The following CALD1 variants were observed in gnomAD, a reference collection of about 807,000 sequenced individuals.
CALD1 encodes caldesmon 1.
A neutral mutation model predicts 99.9 loss-of-function variants in CALD1; 33 were observed. The observed-to-expected ratio is 0.33, with a 90% CI of 0.25 to 0.44. The LOEUF (loss-of-function observed/expected upper bound fraction) is 0.44. CALD1 is among the 20% of genes least tolerant of loss of function. CALD1 has a pLI of 1.00. For missense variants in CALD1, 861 were observed against 962.1 expected (o/e 0.89, Z 1.39); for synonymous variants, 310 against 325.0 (o/e 0.95, Z 0.50).
the CALD1 span, among the ~76,000 whole-genome samples, chr7:134,729,326 G>A: frequency 6.6e-6 from 1 of 152,208 alleles, no homozygotes; most frequent in Admixed American, 6.5e-5. Context: ...GGACAGAGAA[G>A]TCAAATGACT....
chr7:134,840,566 C>T (rs13231922), intron 1 of CALD1, among the ~76,000 whole-genome samples: 6,260 of 152,292 alleles, frequency 0.041, 135 homozygotes, highest in Non-Finnish European at 0.051. Flanking sequence ...CAGATACCTA[C>T]GTCAGTCTAG....
intron 1 of CALD1, among the ~76,000 whole-genome samples, chr7:134,824,945 T>C (rs1798930491): frequency 6.6e-6 from 1 of 152,166 alleles, no homozygotes; most frequent in Admixed American, 6.6e-5. Context: ...TTGTTGGAAT[T>C]TGTGTTATTC....
rs188360272 is a variant in CALD1, at chr7:134,957,576, C to T, written c.1936-493C>T. Among the ~76,000 whole-genome samples, 104 of 152,220 alleles carry T rather than the reference C, an allele frequency of 6.8e-4. 1 individual carries two copies. The highest frequency in any genetic ancestry group is 2.4e-3 in the African/African-American group (98 of 41,512). On this transcript the variant is annotated intron_variant, in intron 9 of 14. Coordinates refer to ENST00000361675, the MANE Select transcript of CALD1 (RefSeq NM_033138.4). ...CTGGGGCTACAGGCGCGTGTCACCA[C>T]ACCCAGCTACTTTTTGTATTTTTTA...
intron 11 of CALD1, among the ~76,000 whole-genome samples, chr7:134,958,891 A>ATATATATATTTAAC (rs1563134110): frequency 7.0e-6 from 1 of 142,292 alleles, no homozygotes; most frequent in Non-Finnish European, 1.5e-5. Flanking sequence ...ATATATATAT[A>ATATATATATTTAAC]TATATATATA....
chr7:134,924,598 C>T (rs1012705028), intron 3 of CALD1, among the ~76,000 whole-genome samples: 7 of 152,106 alleles, frequency 4.6e-5, no homozygotes, highest in African/African-American at 1.7e-4. Context: ...AGCAACTGGA[C>T]ATGTTATGAT....
chr7:134,869,577 A>G (rs1800967416), intron 3 of CALD1, among the ~76,000 whole-genome samples: 1 of 152,210 alleles, frequency 6.6e-6, no homozygotes, highest in African/African-American at 2.4e-5. Context: ...GTTCCAAAGA[A>G]TATACATCTG....
chr7:134,744,591 T>C (rs1202530371), intron 1 of CALD1, among the ~76,000 whole-genome samples: 2 of 152,114 alleles, frequency 1.3e-5, no homozygotes, highest in South Asian at 2.1e-4. Context: ...TATGTAGATG[T>C]TACCTGAATT....
intron 1 of CALD1, among the ~76,000 whole-genome samples, chr7:134,789,249 G>C (rs571856105): frequency 2.0e-5 from 3 of 152,258 alleles, no homozygotes; most frequent in Non-Finnish European, 4.4e-5. Context: ...ACTGAGTTAC[G>C]ATTAGATTAA....
chr7:134,723,660 T>C, the CALD1 span, among the ~76,000 whole-genome samples: 9 of 150,078 alleles, frequency 6.0e-5, no homozygotes, highest in Non-Finnish European at 1.2e-4. Flanking sequence ...TTAGAGAACA[T>C]GTGGCATGTC....
chr7:134,728,340 T>G, the CALD1 span, among the ~76,000 whole-genome samples: 3 of 152,116 alleles, frequency 2.0e-5, no homozygotes, highest in African/African-American at 4.8e-5. Flanking sequence ...GTAGAAGATT[T>G]ATGGACAGAA....
chr7:134,882,617 G>A (rs10954474), intron 3 of CALD1, among the ~76,000 whole-genome samples: 108,928 of 152,158 alleles, frequency 0.72, 39,385 homozygotes, highest in East Asian at 0.93. Flanking sequence ...CTCTAATGAA[G>A]GATCAAGCTT....
chr7:134,747,386 G>A (rs1260474316), intron 1 of CALD1, among the ~76,000 whole-genome samples: 1 of 152,206 alleles, frequency 6.6e-6, no homozygotes, highest in African/African-American at 2.4e-5. Flanking sequence ...ATTCTGTTTC[G>A]CCAACCCTAG....
intron 1 of CALD1, among the ~76,000 whole-genome samples, chr7:134,787,143 G>T (rs113985658): frequency 2.6e-5 from 4 of 152,102 alleles, no homozygotes; most frequent in Non-Finnish European, 4.4e-5. Context: ...AATTATAGTT[G>T]CATATGCCAA....
chr7:134,724,356 G>A, the CALD1 span, among the ~76,000 whole-genome samples: 1 of 152,196 alleles, frequency 6.6e-6, no homozygotes, highest in Non-Finnish European at 1.5e-5. Flanking sequence ...GGGAACCTAG[G>A]TTTAATATTC....
At position 134,867,724 on chromosome 7, in the gene CALD1, A is replaced by G. The variant is rs755488105; in HGVS notation, c.-10A>G. The G allele has an allele frequency of 5.0e-6, 8 of 1,597,150 alleles. No homozygotes were observed. Among genetic ancestry groups the G allele is most frequent in the Admixed American group, 1.7e-5 (1 of 58,856 alleles). On this transcript the variant is annotated 5_prime_UTR_variant, in exon 3 of 15. Transcript: ENST00000361675. Reference sequence around the variant, plus strand: ...ACATCATCTGGTCTCCCTGAACCTGAAATCACACCATGGATGATTTTGAGC... The same window carrying G: ...ACATCATCTGGTCTCCCTGAACCTGGAATCACACCATGGATGATTTTGAGC...
Position 134,873,508 on chromosome 7 carries a change from A to G in CALD1, c.71+5704A>G, listed in dbSNP as rs138803614. ...CCAGTTCTCTTCCTGTTCAGCAAGTATAAAAAAGTGCTAGACATTTTATGT... is the reference window on the plus strand; with the variant it reads ...CCAGTTCTCTTCCTGTTCAGCAAGTGTAAAAAAGTGCTAGACATTTTATGT... On this transcript the variant is annotated intron_variant, in intron 3 of 14. Transcript: ENST00000361675. Among the ~76,000 whole-genome samples, 539 of 152,372 alleles carry G rather than the reference A, an allele frequency of 3.5e-3. 3 individuals are homozygous for G. Among genetic ancestry groups the G allele is most frequent in the African/African-American group, 0.012 (509 of 41,590 alleles).
intron 3 of CALD1, chr7:134,891,628 G>A (rs1802183568): frequency 6.2e-7 from 1 of 1,610,014 alleles, no homozygotes; most frequent in African/African-American, 1.3e-5. Flanking sequence ...GACATGCTGG[G>A]TGGATCCGGA....
intron 1 of CALD1, among the ~76,000 whole-genome samples, chr7:134,768,688 A>G (rs758235129): frequency 2.0e-5 from 3 of 152,238 alleles, no homozygotes; most frequent in Non-Finnish European, 4.4e-5. Context: ...TTTAAAAAAA[A>G]CAAAACAACA....
intron 1 of CALD1, among the ~76,000 whole-genome samples, chr7:134,826,379 C>G (rs1054796062): frequency 4.6e-5 from 7 of 152,060 alleles, no homozygotes; most frequent in African/African-American, 1.7e-4. Flanking sequence ...TCTAGTTATC[C>G]AAATCTTAAC....
Sources: allele counts gnomAD v4.1 joint callset (sites outside exome capture counted in the v4.1 genomes callset), GRCh38; gene constraint gnomAD v4.1.1; transcripts MANE v1.5; gene names NCBI Gene and HGNC (gene_info 2026-07-23, HGNC 2026-07-21).